IQGAP1: variants seen among roughly 807,000 people sequenced by gnomAD.
IQGAP1 encodes ras GTPase-activating-like protein IQGAP1.
IQGAP1 carries 66 observed loss-of-function variants against 215.6 expected under a neutral mutation model. The observed-to-expected ratio is 0.31, with a 90% CI of 0.25 to 0.38. IQGAP1 has a LOEUF of 0.38. IQGAP1 is among the 10% of genes least tolerant of loss of function. IQGAP1 has a pLI of 1.00. For synonymous variants in IQGAP1, 772 were observed against 728.7 expected (o/e 1.06, Z -0.96); for missense variants, 1,712 against 1,997.1 (o/e 0.86, Z 2.72).
In IQGAP1 at chr15:90,494,705, T is replaced by TCCC; in HGVS notation, c.4629-8_4629-7insCCC. ...CTTATAGAAAGTGACATGATGTGAT[T>TCCC]TTTACAGAGTCTCCAAAAAGCCTAG... is the stretch of plus-strand genomic sequence containing the variant. On this transcript the variant is annotated splice_polypyrimidine_tract_variant and splice_region_variant and intron_variant, in intron 35 of 37. Coordinates refer to ENST00000268182, the MANE Select transcript of IQGAP1 (RefSeq NM_003870.4). 1 of 1,599,586 alleles carries TCCC rather than the reference T, an allele frequency of 6.3e-7. No individual in the cohort carries two copies. The highest frequency in any genetic ancestry group is 8.5e-7 in the Non-Finnish European group (1 of 1,174,638).
intron 2 of IQGAP1, among the ~76,000 whole-genome samples, chr15:90,398,819 A>G (rs1964762310): frequency 6.6e-6 from 1 of 152,102 alleles, no homozygotes; most frequent in Non-Finnish European, 1.5e-5. Context: ...CCTGGCCAAC[A>G]TGGTGAAACC....
chr15:90,478,106 C>T (rs560556224), intron 26 of IQGAP1, among the ~76,000 whole-genome samples: 79 of 152,132 alleles, frequency 5.2e-4, no homozygotes, highest in African/African-American at 1.8e-3. Context: ...ATTCTCATGC[C>T]CCAGCCTCCC....
At chr15:90,424,939 A>G (rs547038204) in intron 2 of IQGAP1, among the ~76,000 whole-genome samples, 5 of 152,274 alleles carry the variant, frequency 3.3e-5, no homozygotes, top group Middle Eastern at 6.8e-3. Flanking sequence ...AAATTTAAGT[A>G]TATGTATATT....
intron 2 of IQGAP1, among the ~76,000 whole-genome samples, chr15:90,424,489 C>A (rs1162959299): frequency 6.6e-6 from 1 of 152,212 alleles, no homozygotes; most frequent in Non-Finnish European, 1.5e-5. Context: ...ATATACCCAT[C>A]AGGCTTCATG....
intron 2 of IQGAP1, among the ~76,000 whole-genome samples, chr15:90,414,221 G>T (rs899528508): frequency 6.6e-6 from 1 of 152,060 alleles, no homozygotes; most frequent in Non-Finnish European, 1.5e-5. Flanking sequence ...TTGGGAGATG[G>T]AGAAGGGGGC....
intron 5 of IQGAP1, 122 bp downstream of exon 5, chr15:90,433,917 G>T (rs1266174453): frequency 1.7e-5 from 9 of 529,878 alleles, no homozygotes; most frequent in East Asian, 3.0e-5. Flanking sequence ...GTTCCAAATA[G>T]GATAAAATAC....
intron 36 of IQGAP1, chr15:90,497,014 A>T: frequency 2.5e-6 from 1 of 406,892 alleles, no homozygotes. Flanking sequence ...TAAGTGCTGC[A>T]GGCAGAGAGA....
chr15:90,497,461 T>C (rs921973486), intron 37 of IQGAP1, 121 bp downstream of exon 37: 10 of 606,840 alleles, frequency 1.6e-5, no homozygotes, highest in Non-Finnish European at 2.7e-5. Flanking sequence ...TGAGCTAGGC[T>C]CCACACTGCG....
intron 2 of IQGAP1, among the ~76,000 whole-genome samples, chr15:90,416,612 C>T (rs1279376385): frequency 6.7e-6 from 1 of 148,418 alleles, no homozygotes; most frequent in African/African-American, 2.5e-5. Flanking sequence ...GAGTCTTGCT[C>T]TGTTGCCCAG....
chr15:90,489,709 G>C (rs910719576), intron 33 of IQGAP1, among the ~76,000 whole-genome samples: 8 of 152,194 alleles, frequency 5.3e-5, no homozygotes, highest in Non-Finnish European at 1.0e-4. Flanking sequence ...CAGTTGCTAT[G>C]ACTGATTACT....
At chr15:90,422,614 A>ATATATATATATG (rs1965155732) in intron 2 of IQGAP1, among the ~76,000 whole-genome samples, 1 of 93,700 alleles carries the variant, frequency 1.1e-5, no homozygotes, top group Non-Finnish European at 2.0e-5. Flanking sequence ...TCATTCATAT[A>ATATATATATATG]TATATATATA....
chr15:90,477,552 T>C (rs1965997369), intron 25 of IQGAP1, 113 bp from the exon 26 acceptor site: 7 of 791,624 alleles, frequency 8.8e-6, no homozygotes, highest in Non-Finnish European at 1.5e-5. Context: ...CTGTGAGTGC[T>C]GGGGAATGTT....
intron 30 of IQGAP1, 127 bp from the exon 31 acceptor site, chr15:90,485,903 G>T (rs909720517): frequency 6.1e-6 from 4 of 657,034 alleles, no homozygotes; most frequent in Non-Finnish European, 1.1e-5. Context: ...CTGAGGATTT[G>T]CTTGTTGTTT....
chr15:90,474,041 A>T, intron 21 of IQGAP1, 23 bp from the exon 22 acceptor site: 1 of 1,573,168 alleles, frequency 6.4e-7, no homozygotes, highest in Non-Finnish European at 8.6e-7. Flanking sequence ...GAACAGAGAA[A>T]TTTCTTCTTT....
intron 28 of IQGAP1, chr15:90,482,698 C>A: frequency 1.0e-6 from 1 of 1,004,816 alleles, no homozygotes; most frequent in Non-Finnish European, 1.2e-6. Context: ...CTTCTCTCTC[C>A]TAGTTCTGTG....
At chr15:90,476,623 T>C (rs765646901) in intron 23 of IQGAP1, 40 bp from the exon 24 acceptor site, 3 of 1,494,462 alleles carry the variant, frequency 2.0e-6, no homozygotes, top group Non-Finnish European at 2.7e-6. Context: ...AGGTTCATCT[T>C]TGAAAGCTTT....
chr15:90,400,584 C>T (rs1964791065), intron 2 of IQGAP1, among the ~76,000 whole-genome samples: 1 of 152,094 alleles, frequency 6.6e-6, no homozygotes, highest in African/African-American at 2.4e-5. Context: ...CCATGAAAAA[C>T]CAGTGTTAAT....
chr15:90,432,141 T>A (rs539017800), intron 4 of IQGAP1, among the ~76,000 whole-genome samples: 5 of 152,290 alleles, frequency 3.3e-5, no homozygotes, highest in African/African-American at 1.2e-4. Context: ...GCTGGACATT[T>A]CTCCTTGGAT....
chr15:90,472,489 A>C (rs1035960514), intron 18 of IQGAP1, among the ~76,000 whole-genome samples: 3 of 152,168 alleles, frequency 2.0e-5, no homozygotes, highest in African/African-American at 4.8e-5. Flanking sequence ...TACGTGGCAC[A>C]CAGCCCTGTT....
Sources: allele counts gnomAD v4.1 joint callset (sites outside exome capture counted in the v4.1 genomes callset), GRCh38; gene constraint gnomAD v4.1.1; transcripts MANE v1.5; gene names NCBI Gene and HGNC (gene_info 2026-07-23, HGNC 2026-07-21).